The following SIPA1L2 variants were observed in gnomAD, a reference collection of about 807,000 sequenced individuals.
The protein encoded by SIPA1L2 is signal-induced proliferation-associated 1-like protein 2.
In SIPA1L2, 56 loss-of-function variants were observed where a neutral mutation model predicts 163.9. The ratio of observed to expected loss-of-function variants is 0.34; its 90% CI spans 0.28 to 0.43. The LOEUF is 0.43. SIPA1L2 is among the 20% of genes least tolerant of loss of function. The pLI, the probability that SIPA1L2 is intolerant of heterozygous loss-of-function variation, is 1.00. For synonymous variants in SIPA1L2, 877 were observed against 865.7 expected, an observed-to-expected ratio of 1.01 and a Z score of -0.23; for missense variants, 1,974 against 2,193.5, an observed-to-expected ratio of 0.90 and a Z score of 2.00.
chr1:232,588,118 A>C (rs887113830), intron 1 of SIPA1L2, among the ~76,000 whole-genome samples: 2 of 152,060 alleles, frequency 1.3e-5, no homozygotes, highest in Non-Finnish European at 2.9e-5. Flanking sequence ...ACACACTATG[A>C]CTCTGTGTGA....
At chr1:232,434,248 T>C (rs1202555533) in intron 15 of SIPA1L2, among the ~76,000 whole-genome samples, 1 of 152,192 alleles carries the variant, frequency 6.6e-6, no homozygotes, top group Non-Finnish European at 1.5e-5. Context: ...ATAAGAGTGA[T>C]ATTAAAATGA....
intron 3 of SIPA1L2, among the ~76,000 whole-genome samples, chr1:232,498,404 C>T (rs976068779): frequency 2.0e-5 from 3 of 152,206 alleles, no homozygotes; most frequent in Non-Finnish European, 2.9e-5. Context: ...TCTATTGGAA[C>T]TTACATGGCA....
At chr1:232,574,996 G>A (rs996556135) in intron 1 of SIPA1L2, among the ~76,000 whole-genome samples, 7 of 152,170 alleles carry the variant, frequency 4.6e-5, no homozygotes, top group Non-Finnish European at 8.8e-5. Flanking sequence ...ATCAGCAAGC[G>A]CAGGATGTGA....
chr1:232,570,946 A>C (rs1006150620), intron 2 of SIPA1L2, among the ~76,000 whole-genome samples: 1 of 93,568 alleles, frequency 1.1e-5, no homozygotes, highest in African/African-American at 6.1e-5. Context: ...CAGAAACTAT[A>C]AAAAAAAAAA....
At chr1:232,523,582 A>G (rs997448366) in intron 2 of SIPA1L2, among the ~76,000 whole-genome samples, 2 of 152,228 alleles carry the variant, frequency 1.3e-5, no homozygotes, top group Non-Finnish European at 2.9e-5. Context: ...AATCTGTCCT[A>G]TTCTTTAAAT....
chr1:232,530,084 C>T (rs1326406669), intron 2 of SIPA1L2, among the ~76,000 whole-genome samples: 1 of 151,708 alleles, frequency 6.6e-6, no homozygotes, highest in Non-Finnish European at 1.5e-5. Flanking sequence ...AACCAGAATC[C>T]TCATCATCTC....
At chr1:232,599,886 T>A (rs919462952) in intron 1 of SIPA1L2, among the ~76,000 whole-genome samples, 3 of 152,246 alleles carry the variant, frequency 2.0e-5, no homozygotes, top group Admixed American at 1.3e-4. Context: ...CATATCTACC[T>A]AGGCATATCC....
chr1:232,588,490 T>G (rs1176205688), intron 1 of SIPA1L2, among the ~76,000 whole-genome samples: 1 of 152,198 alleles, frequency 6.6e-6, no homozygotes, highest in African/African-American at 2.4e-5. Context: ...TTGGGAGATT[T>G]TTCTAAGTGG....
chr1:232,471,703 C>T (rs560330516), intron 7 of SIPA1L2, among the ~76,000 whole-genome samples, 175 bp from the exon 8 acceptor site: 3 of 152,094 alleles, frequency 2.0e-5, no homozygotes, highest in South Asian at 2.1e-4. Context: ...ATCCAAAAGA[C>T]CCGTGGAAAG....
At chr1:232,626,340 A>G (rs1663079380) in intron 1 of SIPA1L2, among the ~76,000 whole-genome samples, 1 of 151,054 alleles carries the variant, frequency 6.6e-6, no homozygotes, top group Admixed American at 6.6e-5. Context: ...TGACAACTAG[A>G]CTCGACTTGC....
At chr1:232,473,807 C>A (rs1664910704) in intron 7 of SIPA1L2, among the ~76,000 whole-genome samples, 1 of 152,044 alleles carries the variant, frequency 6.6e-6, no homozygotes, top group African/African-American at 2.4e-5. Flanking sequence ...CAAGAAGATT[C>A]ATTAGGAAGG....
At chr1:232,629,552 GCACCTGGAGAA>G (rs1419872761) in intron 1 of SIPA1L2, among the ~76,000 whole-genome samples, 6 of 152,222 alleles carry the variant, frequency 3.9e-5, no homozygotes, top group Non-Finnish European at 7.3e-5. Flanking sequence ...GAAGTTCTGG[GCACCTGGAGAA>G]GACCCTCCTC....
chr1:232,603,781 C>T (rs7539735), intron 1 of SIPA1L2, among the ~76,000 whole-genome samples: 82,774 of 151,828 alleles, frequency 0.55, 23,828 homozygotes, highest in East Asian at 0.75. Context: ...GGCACTCAGG[C>T]CCTGCTCTAA....
intron 2 of SIPA1L2, among the ~76,000 whole-genome samples, chr1:232,562,296 G>A (rs1659084401): frequency 6.6e-6 from 1 of 152,198 alleles, no homozygotes; most frequent in South Asian, 2.1e-4. Context: ...TAATCATAAA[G>A]TTGTCAAAGA....
chr1:232,574,621 A>G (rs1285682), intron 1 of SIPA1L2, among the ~76,000 whole-genome samples: 45,057 of 152,076 alleles, frequency 0.3, 7,049 homozygotes, highest in East Asian at 0.57. Flanking sequence ...TAATTAATAA[A>G]TATTTTCAAA....
chr1:232,439,338 G>C lies in SIPA1L2; in HGVS notation c.3801C>G (p.Ile1267Met). The C allele has an allele frequency of 1.2e-6, 2 of 1,614,188 alleles. No individual in the cohort carries two copies. Among genetic ancestry groups the C allele is most frequent in the Non-Finnish European group, 8.5e-7 (1 of 1,180,046 alleles). The change falls in exon 15 of 23, where the codon ATC becomes ATG. Residue 1267 changes from isoleucine (I) to methionine (M), a missense_variant. Physicochemically the swap from Ile to Met is conservative, Grantham distance 10 (BLOSUM62 1). Coordinates refer to ENST00000674635, the MANE Select transcript of SIPA1L2 (RefSeq NM_020808.5). ...TGGCAGGCATGCAGGGGGCCGTGTC[G>C]ATGCCACTGTCGGTGGAGGCCCCTT... is the stretch of plus-strand genomic sequence containing the variant. ...YIKGASTDSG[I>M]DTAPCMPATI...
chr1:232,574,007 A>G (rs1156748805), intron 2 of SIPA1L2, among the ~76,000 whole-genome samples, 167 bp downstream of exon 2: 1 of 152,200 alleles, frequency 6.6e-6, no homozygotes, highest in Admixed American at 6.5e-5. Context: ...TCTTAAAACA[A>G]TGCTCACCCA....
chr1:232,565,420 G>A (rs12069683), intron 2 of SIPA1L2, among the ~76,000 whole-genome samples: 13,005 of 152,270 alleles, frequency 0.085, 600 homozygotes, highest in South Asian at 0.11. Context: ...TCAGGCCAAA[G>A]TGCCTGCTCA....
intron 2 of SIPA1L2, among the ~76,000 whole-genome samples, chr1:232,520,344 T>A (rs1667407419): frequency 6.6e-6 from 1 of 152,230 alleles, no homozygotes; most frequent in Non-Finnish European, 1.5e-5. Context: ...GAGGAAGGGC[T>A]AGGGAAGGCC....
Sources: gnomAD v4.1 joint callset for allele counts (sites outside exome capture counted in the v4.1 genomes callset) on GRCh38, gnomAD v4.1.1 for gene constraint, MANE v1.5 for transcripts, NCBI Gene and HGNC (gene_info 2026-07-23, HGNC 2026-07-21) for gene names.